Variants in DIAPH1 observed in about 807,000 individuals in gnomAD.
DIAPH1 encodes protein diaphanous homolog 1.
DIAPH1 carries 46 observed loss-of-function variants against 140.7 expected under a neutral mutation model. That is an observed-to-expected ratio of 0.33 (90% CI 0.26 to 0.42). DIAPH1 has a LOEUF of 0.42. Ranked by LOEUF, DIAPH1 falls within the 10% of genes least tolerant of loss-of-function variation. The pLI, the probability that DIAPH1 is intolerant of heterozygous loss-of-function variation, is 1.00. For missense variants in DIAPH1, 1,310 were observed against 1,558.7 expected, an observed-to-expected ratio of 0.84 and a Z score of 2.69; for synonymous variants, 565 against 551.6, an observed-to-expected ratio of 1.02 and a Z score of -0.34.
chr5:141,529,313 G>A (rs1450954338), intron 20 of DIAPH1, 40 bp from the exon 21 acceptor site: 7 of 1,514,610 alleles, frequency 4.6e-6, no homozygotes, highest in Non-Finnish European at 6.4e-6. Context: ...AGGGGAATTC[G>A]CTAACAACTC....
chr5:141,617,840 C>T (rs372218255), intron 1 of DIAPH1, among the ~76,000 whole-genome samples: 59 of 152,112 alleles, frequency 3.9e-4, no homozygotes, highest in African/African-American at 1.4e-3. Context: ...TTCCTTCACT[C>T]GGATTGAAAG....
chr5:141,592,081 C>CAA (rs1169137676), intron 1 of DIAPH1, among the ~76,000 whole-genome samples: 14 of 86,938 alleles, frequency 1.6e-4, no homozygotes, highest in African/African-American at 4.8e-4. Flanking sequence ...GACTCTGTAT[C>CAA]AAAAAAAAAA....
intron 18 of DIAPH1, among the ~76,000 whole-genome samples, chr5:141,538,917 C>T (rs1471639370): frequency 6.6e-6 from 1 of 152,068 alleles, no homozygotes; most frequent in African/African-American, 2.4e-5. Context: ...AAAAATATTG[C>T]TCTATAGTTT....
intron 27 of DIAPH1, among the ~76,000 whole-genome samples, chr5:141,519,737 G>C (rs1293537420): frequency 1.3e-5 from 2 of 152,156 alleles, no homozygotes; most frequent in African/African-American, 4.8e-5. Context: ...TAAGGTCAGG[G>C]GATGAGAAAG....
At chr5:141,592,798 T>C (rs62379257) in intron 1 of DIAPH1, among the ~76,000 whole-genome samples, 4,636 of 152,270 alleles carry the variant, frequency 0.03, 128 homozygotes, top group Non-Finnish European at 0.042. Context: ...CAAATATAGA[T>C]ACTGAAGGAA....
At chr5:141,535,468 C>A (rs1350227602) in intron 18 of DIAPH1, among the ~76,000 whole-genome samples, 1 of 152,206 alleles carries the variant, frequency 6.6e-6, no homozygotes, top group Non-Finnish European at 1.5e-5. Context: ...TCTCATCCAA[C>A]AATTAATTAT....
intron 27 of DIAPH1, among the ~76,000 whole-genome samples, chr5:141,520,932 A>G (rs1175670874): frequency 6.6e-6 from 1 of 152,094 alleles, no homozygotes; most frequent in African/African-American, 2.4e-5. Context: ...ATGGAGTCTC[A>G]TTCTGTCACC....
intron 19 of DIAPH1, among the ~76,000 whole-genome samples, chr5:141,532,533 T>C (rs1041550094): frequency 1.3e-5 from 2 of 152,206 alleles, no homozygotes; most frequent in Non-Finnish European, 2.9e-5. Context: ...CTTCTGGGAT[T>C]TGCCCCTCCA....
chr5:141,537,281 C>T (rs1166793625), intron 18 of DIAPH1, among the ~76,000 whole-genome samples: 1 of 151,454 alleles, frequency 6.6e-6, no homozygotes, highest in Non-Finnish European at 1.5e-5. Context: ...GTCGGGAGTT[C>T]GAGACCAGCC....
intron 26 of DIAPH1, among the ~76,000 whole-genome samples, chr5:141,525,038 A>C (rs1032848722): frequency 4.6e-5 from 7 of 151,882 alleles, no homozygotes; most frequent in Non-Finnish European, 7.4e-5. Flanking sequence ...GCGGGACTCC[A>C]CCTTCCCCCA....
intron 27 of DIAPH1, among the ~76,000 whole-genome samples, chr5:141,517,592 T>G (rs1029766592): frequency 2.0e-5 from 3 of 151,830 alleles, no homozygotes; most frequent in Non-Finnish European, 4.4e-5. Flanking sequence ...ATGCCTTAGC[T>G]CTTTCCCACC....
chr5:141,561,347 G>T (rs1020015213), intron 18 of DIAPH1, among the ~76,000 whole-genome samples: 17 of 151,414 alleles, frequency 1.1e-4, no homozygotes, highest in Non-Finnish European at 2.2e-4. Context: ...ATGGTACTTA[G>T]AAGTGAAAAG....
Position 141,580,814 on chromosome 5 carries a change from C to G in DIAPH1, c.754G>C (p.Val252Leu). The change falls in exon 8 of 28, where the codon GTT (valine) becomes CTT (leucine). Residue 252 changes from valine (V) to leucine (L), a missense_variant. Transcript: ENST00000389054. The part of the protein sequence containing the change: ...LLLVRAMDPA[V>L]PNMMIDAAKL... ...GCTGCATCAATCATCATGTTGGGAA[C>G]AGCAGGATCCATGGCTCTGACCAGC... The G allele has an allele frequency of 1.9e-6, 3 of 1,614,186 alleles. No homozygotes were observed. The highest frequency in any genetic ancestry group is 2.5e-6 in the Non-Finnish European group (3 of 1,180,006).
intron 19 of DIAPH1, among the ~76,000 whole-genome samples, chr5:141,531,001 AC>A (rs2099888139): frequency 6.6e-6 from 1 of 152,094 alleles, no homozygotes; most frequent in Admixed American, 6.5e-5. Flanking sequence ...TCTCTAAATT[AC>A]CAGTTTCTCT....
intron 12 of DIAPH1, 54 bp downstream of exon 12, chr5:141,577,421 C>T (rs1331079515): frequency 8.3e-7 from 1 of 1,208,204 alleles, no homozygotes; most frequent in East Asian, 2.3e-5. Context: ...TTAAGGAATT[C>T]ACTCTCTCCA....
chr5:141,572,142 A>G, intron 16 of DIAPH1, 102 bp from the exon 17 acceptor site: 1 of 800,098 alleles, frequency 1.2e-6, no homozygotes, highest in Non-Finnish European at 2.2e-6. Context: ...GCTGATTATC[A>G]GCAATGTCTT....
At chr5:141,524,412 T>G in intron 26 of DIAPH1, 183 bp from the exon 27 acceptor site, 1 of 659,300 alleles carries the variant, frequency 1.5e-6, no homozygotes, top group Non-Finnish European at 2.7e-6. Context: ...TTGTATCTGC[T>G]AAAAAATGGT....
chr5:141,532,669 G>A (rs2099888411), intron 19 of DIAPH1, among the ~76,000 whole-genome samples: 2 of 152,156 alleles, frequency 1.3e-5, no homozygotes, highest in South Asian at 2.1e-4. Context: ...TACCAAATAC[G>A]TGGCTCATGC....
chr5:141,524,060 T>C (rs932945138), intron 27 of DIAPH1, 83 bp downstream of exon 27: 1 of 1,142,628 alleles, frequency 8.8e-7, no homozygotes, highest in Non-Finnish European at 1.3e-6. Context: ...AGCATCATTA[T>C]TTGCTCTTTA....
Sources: gnomAD v4.1 joint callset for allele counts (sites outside exome capture counted in the v4.1 genomes callset) on GRCh38, gnomAD v4.1.1 for gene constraint, MANE v1.5 for transcripts, NCBI Gene and HGNC (gene_info 2026-07-23, HGNC 2026-07-21) for gene names.